Variants in DST observed in about 807,000 individuals in gnomAD.
DST encodes the protein dystonin, also known as bullous pemphigoid antigen.
DST carries 253 observed loss-of-function variants against 875.2 expected under a neutral mutation model. That is an observed-to-expected ratio of 0.29 (90% confidence interval 0.26 to 0.32). The LOEUF (loss-of-function observed/expected upper bound fraction) is 0.32, where lower values mean the gene tolerates loss of function less well. Ranked by LOEUF, DST falls within the 10% of genes least tolerant of loss-of-function variation. The pLI is 1.00. For synonymous variants in DST, 3,124 were observed against 3,197.1 expected (o/e 0.98, Z 0.77); for missense variants, 8,287 against 9,111.6 (o/e 0.91, Z 3.68).
chr6:56,867,646 C>A (rs1774856100), intron 3 of DST, among the ~76,000 whole-genome samples: 2 of 151,992 alleles, frequency 1.3e-5, no homozygotes, highest in African/African-American at 4.8e-5. Flanking sequence ...ATGGTGAAAC[C>A]CCGTCTCTAC....
intron 4 of DST, among the ~76,000 whole-genome samples, chr6:56,818,083 C>T (rs2099768739): frequency 6.6e-6 from 1 of 152,106 alleles, no homozygotes; most frequent in African/African-American, 2.4e-5. Context: ...ATGAATGTTC[C>T]CCAACAATGT....
chr6:56,827,950 T>C (rs2099782726), intron 4 of DST, among the ~76,000 whole-genome samples: 1 of 152,112 alleles, frequency 6.6e-6, no homozygotes, highest in African/African-American at 2.4e-5. Flanking sequence ...CCCACACACA[T>C]ACACAGAGAC....
At chr6:56,899,844 G>A (rs1349960453) in intron 3 of DST, among the ~76,000 whole-genome samples, 1 of 152,176 alleles carries the variant, frequency 6.6e-6, no homozygotes, top group South Asian at 2.1e-4. Flanking sequence ...AGGTGGCATT[G>A]TGGCCAACAG....
intron 9 of DST, among the ~76,000 whole-genome samples, chr6:56,682,954 T>C (rs2099163770): frequency 6.6e-6 from 1 of 152,264 alleles, no homozygotes; most frequent in African/African-American, 2.4e-5. Context: ...CCAACTCTTC[T>C]GAATCTGCCT....
chr6:56,826,831 T>C (rs1485313338), intron 4 of DST, among the ~76,000 whole-genome samples: 1 of 152,224 alleles, frequency 6.6e-6, no homozygotes, highest in Non-Finnish European at 1.5e-5. Context: ...TCTGAAATAC[T>C]GCTGGGTCAA....
intron 37 of DST, among the ~76,000 whole-genome samples, chr6:56,612,902 T>C (rs964890856): frequency 2.6e-5 from 4 of 152,126 alleles, no homozygotes; most frequent in Admixed American, 6.5e-5. Flanking sequence ...TGGTGGCATG[T>C]GTCTGCAGTC....
intron 58 of DST, among the ~76,000 whole-genome samples, chr6:56,559,005 AAC>A (rs2097485139): frequency 6.6e-6 from 1 of 152,036 alleles, no homozygotes; most frequent in African/African-American, 2.4e-5. Context: ...TCAGCACTTC[AAC>A]ACAGTCACTC....
At chr6:56,909,037 AT>A (rs1400234510) in intron 2 of DST, among the ~76,000 whole-genome samples, 3 of 152,114 alleles carry the variant, frequency 2.0e-5, no homozygotes, top group Admixed American at 6.6e-5. Context: ...ACTTACTTTC[AT>A]TTTACTCTAT....
chr6:56,460,387 T>C lies in DST; in HGVS notation c.23071-133A>G, dbSNP rs1466750584. 3.7e-6 allele frequency: 3 copies of C among 816,760 alleles called. No individual in the cohort carries two copies. The East Asian group carries it at 7.8e-5, about 21-fold the overall frequency. 50.6% of individuals were successfully genotyped at this position (816,760 alleles called of 1,614,324 possible). A position where few individuals can be genotyped will look rare whatever the true frequency, so the allele number is the denominator to read the frequency against. The stretch of plus-strand genomic sequence containing the variant: ...TAGGAGGTGAAGGGGGAGAAACTCT[T>C]CAATTAAATAAGGCATGGGGTTCTC... On this transcript the variant is annotated intron_variant, in intron 102 of 103. Coordinates refer to ENST00000680361, the MANE Select transcript of DST (RefSeq NM_001374736.1).
intron 85 of DST, 97 bp downstream of exon 85, chr6:56,492,130 A>G: frequency 3.6e-6 from 4 of 1,096,576 alleles, no homozygotes; most frequent in Non-Finnish European, 4.0e-6. Context: ...TGTTATGCCT[A>G]ATACAGCCTG....
intron 58 of DST, among the ~76,000 whole-genome samples, chr6:56,558,982 C>T (rs2097484586): frequency 6.6e-6 from 1 of 152,066 alleles, no homozygotes; most frequent in African/African-American, 2.4e-5. Context: ...GGTTACTGAT[C>T]AGAGCACTTC....
In DST at chr6:56,513,194, C is replaced by G. The variant is rs570074627; in HGVS notation, c.18577-1794G>C. Among the ~76,000 whole-genome samples the G allele has an allele frequency of 1.0e-3, 154 of 150,476 alleles. 1 individual carries two copies. The highest frequency in any genetic ancestry group is 3.6e-3 in the African/African-American group (149 of 40,930). The stretch of plus-strand genomic sequence containing the variant: ...GGTAGATCTCACCTGTATAGCATCA[C>G]TATAAGGCAACTTGGCTTGGCAAGT... On this transcript the variant is annotated intron_variant, in intron 72 of 103. Coordinates refer to ENST00000680361, the MANE Select transcript of DST (RefSeq NM_001374736.1).
At chr6:56,596,861 T>C (rs903432026) in intron 47 of DST, among the ~76,000 whole-genome samples, 1 of 152,220 alleles carries the variant, frequency 6.6e-6, no homozygotes, top group Non-Finnish European at 1.5e-5. Flanking sequence ...ATTTATGTCA[T>C]GGAGTAAATT....
intron 10 of DST, among the ~76,000 whole-genome samples, chr6:56,661,607 G>A (rs2099042715): frequency 6.6e-6 from 1 of 150,738 alleles, no homozygotes; most frequent in Non-Finnish European, 1.5e-5. Context: ...TTTTTTTGAG[G>A]CTGAGTTTCA....
At chr6:56,611,641 G>C (rs748419614) in intron 37 of DST, 45 bp from the exon 38 acceptor site, 13 of 1,291,726 alleles carry the variant, frequency 1.0e-5, no homozygotes, top group African/African-American at 1.5e-5. Flanking sequence ...TCCAAAAGGA[G>C]TAAACAGTAT....
At chr6:56,708,318 C>A (rs1470738992) in intron 5 of DST, among the ~76,000 whole-genome samples, 2 of 151,874 alleles carry the variant, frequency 1.3e-5, no homozygotes, top group Non-Finnish European at 2.9e-5. Context: ...AAATCAATGA[C>A]CTGTCAACTT....
Position 56,516,155 on chromosome 6 carries a change from AAG to A in DST, c.18358-489_18358-488del, listed in dbSNP as rs375737748. On this transcript the variant is annotated intron_variant, in intron 71 of 103. Coordinates refer to ENST00000680361, the MANE Select transcript of DST (RefSeq NM_001374736.1). ...AGGGAGAGAGAGAGAGAGAAAGAGA[AAG>A]AGAGAAAGAGAAAGAGAAAGAAAGA... 3.7e-4 allele frequency among the ~76,000 whole-genome samples: 50 copies of A among 135,400 alleles called. 1 individual carries two copies. In the South Asian group the frequency reaches 9.6e-3, roughly 26 times the overall value. 88.8% of individuals were successfully genotyped at this position (135,400 alleles called of 152,430 possible).
chr6:56,722,368 G>GTTAGTTATTTATTTA (rs1554672068), intron 5 of DST, among the ~76,000 whole-genome samples: 1 of 150,596 alleles, frequency 6.6e-6, no homozygotes, highest in African/African-American at 2.4e-5. Context: ...GTACATGTTT[G>GTTAGTTATTTATTTA]TTTATTTATT....
At chr6:56,777,812 C>A (rs2099682137) in intron 4 of DST, among the ~76,000 whole-genome samples, 1 of 151,876 alleles carries the variant, frequency 6.6e-6, no homozygotes, top group Admixed American at 6.6e-5. Flanking sequence ...ATCCTCCCAC[C>A]TCACTTCCCA....
Sources: gnomAD v4.1 joint callset for allele counts (sites outside exome capture counted in the v4.1 genomes callset) on GRCh38, gnomAD v4.1.1 for gene constraint, MANE v1.5 for transcripts, NCBI Gene and HGNC (gene_info 2026-07-23, HGNC 2026-07-21) for gene names.